RBFOX1: variants seen among roughly 807,000 people sequenced by gnomAD.
RBFOX1 encodes RNA binding protein fox-1 homolog 1.
Under a neutral mutation model 57.7 loss-of-function variants are expected in RBFOX1, and 8 were observed. That is an observed-to-expected ratio of 0.14 (90% CI 0.08 to 0.25). RBFOX1 has a LOEUF of 0.25. Among genes scored for constraint, RBFOX1 ranks in the 10% least tolerant of loss-of-function variants. The pLI is 1.00. For synonymous variants in RBFOX1, 326 were observed against 222.4 expected (o/e 1.47, Z -4.15); for missense variants, 611 against 548.5 (o/e 1.11, Z -1.14).
At position 7,338,331 on chromosome 16, in the gene RBFOX1, A is replaced by C. The variant is rs575354307; in HGVS notation, c.28-179816A>C. Reference sequence around the variant, plus strand: ...TTCTATAGCTAGACAGTGGCAGAAAAATGCCAATGTATGCCTCTCTGACGT... The same window carrying C: ...TTCTATAGCTAGACAGTGGCAGAAACATGCCAATGTATGCCTCTCTGACGT... On this transcript the variant is annotated intron_variant, in intron 4 of 15. Transcript: ENST00000550418. Among the ~76,000 whole-genome samples the C allele has an allele frequency of 2.6e-5, 4 of 152,292 alleles. No individual in the cohort carries two copies. In the South Asian group the frequency reaches 8.3e-4, roughly 32 times the overall value.
At chr16:7,489,542 C>G (rs1312691203) in intron 4 of RBFOX1, among the ~76,000 whole-genome samples, 3 of 151,778 alleles carry the variant, frequency 2.0e-5, no homozygotes, top group East Asian at 1.9e-4. Context: ...GAGTCTTGCT[C>G]TGTCACTCTG....
At chr16:7,467,263 G>A (rs542742570) in intron 4 of RBFOX1, among the ~76,000 whole-genome samples, 2 of 152,250 alleles carry the variant, frequency 1.3e-5, no homozygotes, top group East Asian at 1.9e-4. Flanking sequence ...CCTCTCAATA[G>A]GGAACAAGTG....
intron 5 of RBFOX1, among the ~76,000 whole-genome samples, chr16:7,546,086 G>T (rs1466722171): frequency 6.6e-6 from 1 of 151,902 alleles, no homozygotes; most frequent in Non-Finnish European, 1.5e-5. Flanking sequence ...CAGCACTTTG[G>T]GGGACAGAGG....
chr16:5,297,095 T>C (rs2063688724), intron 1 of RBFOX1, among the ~76,000 whole-genome samples: 1 of 152,194 alleles, frequency 6.6e-6, no homozygotes, highest in African/African-American at 2.4e-5. Context: ...ATGACAGGAT[T>C]TTCTTCTTTT....
intron 4 of RBFOX1, among the ~76,000 whole-genome samples, chr16:7,148,771 C>G (rs572102473): frequency 6.6e-5 from 10 of 152,324 alleles, no homozygotes; most frequent in African/African-American, 2.2e-4. Context: ...GCAGAGCTGC[C>G]TGAGACTAAT....
chr16:5,253,960 C>T (rs2062520522), intron 1 of RBFOX1, among the ~76,000 whole-genome samples: 1 of 149,804 alleles, frequency 6.7e-6, no homozygotes, highest in African/African-American at 2.5e-5. Context: ...TATCTGCTTT[C>T]ATGACACCAG....
At chr16:5,530,975 A>AT (rs1567199018) in intron 2 of RBFOX1, among the ~76,000 whole-genome samples, 1 of 132,166 alleles carries the variant, frequency 7.6e-6, no homozygotes, top group African/African-American at 2.9e-5. Flanking sequence ...AAAAAAAAAA[A>AT]TTAGCCAGGC....
At chr16:7,426,320 CAA>C (rs1158344318) in intron 4 of RBFOX1, among the ~76,000 whole-genome samples, 1 of 152,204 alleles carries the variant, frequency 6.6e-6, no homozygotes, top group Non-Finnish European at 1.5e-5. Context: ...TTGCAGCTAA[CAA>C]GAGGTGATTA....
intron 3 of RBFOX1, among the ~76,000 whole-genome samples, chr16:6,866,730 G>C (rs1248379139): frequency 6.6e-6 from 1 of 151,690 alleles, no homozygotes; most frequent in Non-Finnish European, 1.5e-5. Flanking sequence ...TTTTAGTAGA[G>C]AAGGGGTTTC....
At chr16:7,678,538 C>G (rs1022674400) in intron 14 of RBFOX1, among the ~76,000 whole-genome samples, 1 of 152,002 alleles carries the variant, frequency 6.6e-6, no homozygotes, top group East Asian at 1.9e-4. Flanking sequence ...ATCATAGTAA[C>G]TCTAGCCTGC....
At chr16:6,863,999 T>G (rs933820264) in intron 3 of RBFOX1, among the ~76,000 whole-genome samples, 179 of 151,248 alleles carry the variant, frequency 1.2e-3, no homozygotes, top group African/African-American at 3.8e-3. Flanking sequence ...CTTTTTTTTT[T>G]TTTTTGTTGA....
intron 4 of RBFOX1, among the ~76,000 whole-genome samples, chr16:7,094,777 G>GTGTGTGTGT (rs1567232668): frequency 1.0e-3 from 55 of 53,594 alleles, no homozygotes; most frequent in African/African-American, 1.7e-3. Flanking sequence ...TGTGTGTGTG[G>GTGTGTGTGT]GTGTGTGTGT....
chr16:7,080,608 A>C (rs114502926), intron 4 of RBFOX1, among the ~76,000 whole-genome samples: 1,527 of 151,966 alleles, frequency 0.01, 29 homozygotes, highest in African/African-American at 0.035. Flanking sequence ...TCCTTTTTTC[A>C]TGGTCCATGT....
chr16:6,454,631 T>C (rs930465769), intron 2 of RBFOX1, among the ~76,000 whole-genome samples: 10 of 152,136 alleles, frequency 6.6e-5, no homozygotes, highest in South Asian at 2.1e-4. Flanking sequence ...TATTTACTAA[T>C]ACTGAATATA....
At chr16:7,643,078 G>C (rs1035941338) in intron 11 of RBFOX1, among the ~76,000 whole-genome samples, 1 of 152,192 alleles carries the variant, frequency 6.6e-6, no homozygotes, top group Non-Finnish European at 1.5e-5. Context: ...TGTGAGGAAA[G>C]ATACAACAGC....
At chr16:5,918,887 AGTC>A (rs2058761482) in intron 4 of RBFOX1, among the ~76,000 whole-genome samples, 1 of 152,172 alleles carries the variant, frequency 6.6e-6, no homozygotes, top group African/African-American at 2.4e-5. Flanking sequence ...TTCTCAGAAA[AGTC>A]GTCTTTAGGT....
At chr16:7,411,902 C>CAA (rs60700135) in intron 4 of RBFOX1, among the ~76,000 whole-genome samples, 2 of 95,406 alleles carry the variant, frequency 2.1e-5, no homozygotes, top group Non-Finnish European at 3.9e-5. Context: ...AAACTCCTTT[C>CAA]AAAAAAAAAA....
At chr16:6,821,396 G>A (rs908000501) in intron 3 of RBFOX1, among the ~76,000 whole-genome samples, 3 of 152,098 alleles carry the variant, frequency 2.0e-5, no homozygotes, top group Non-Finnish European at 4.4e-5. Flanking sequence ...ATTTCATTGA[G>A]GTGTATTCCA....
At chr16:5,579,185 G>A (rs1596330925) in intron 2 of RBFOX1, among the ~76,000 whole-genome samples, 1 of 152,060 alleles carries the variant, frequency 6.6e-6, no homozygotes, top group Non-Finnish European at 1.5e-5. Flanking sequence ...GACTGGACCT[G>A]CTATCGCCCC....
Sources: gnomAD v4.1 joint callset for allele counts (sites outside exome capture counted in the v4.1 genomes callset) on GRCh38, gnomAD v4.1.1 for gene constraint, MANE v1.5 for transcripts, NCBI Gene and HGNC (gene_info 2026-07-23, HGNC 2026-07-21) for gene names.